Variants in RTCB observed in about 807,000 individuals in gnomAD.
RTCB encodes RNA 2',3'-cyclic phosphate and 5'-OH ligase, also known as RNA-splicing ligase RTCB.
A neutral mutation model predicts 58.2 loss-of-function variants in RTCB; 32 were observed. The observed-to-expected ratio is 0.55, with a 90% CI of 0.41 to 0.74. The LOEUF (loss-of-function observed/expected upper bound fraction) is 0.74. Among genes scored for constraint, RTCB ranks in the 30% least tolerant of loss-of-function variants. The pLI is 0.00. For missense variants in RTCB, 523 were observed against 639.0 expected (o/e 0.82, Z 1.96); for synonymous variants, 247 against 218.6 (o/e 1.13, Z -1.15).
At chr22:32,408,639 A>T in intron 2 of RTCB, 116 bp downstream of exon 2, 1 of 764,836 alleles carries the variant, frequency 1.3e-6, no homozygotes. Context: ...TCTTACTTTT[A>T]AGTTGTAATC....
rs1185566360 is a variant in RTCB, at chr22:32,388,053, T to C, written c.1457A>G (p.His486Arg). Residue 486 changes from histidine to arginine, a missense_variant, in exon 12 of 12, where the codon CAT becomes CGT. Coordinates refer to ENST00000216038, the MANE Select transcript of RTCB (RefSeq NM_014306.5). ...KNVTDVVNTCHDAGISKKAIK... is the reference protein window; with the variant it reads ...KNVTDVVNTCRDAGISKKAIK... ...GGCTTTCTTGCTGATTCCAGCATCA[T>C]GGCAGGTATTTACCACATCTGTCAC... 2 of 1,614,110 alleles carry C rather than the reference T, an allele frequency of 1.2e-6. No individual in the cohort carries two copies. The highest frequency in any genetic ancestry group is 1.7e-5 in the Admixed American group (1 of 60,028).
At chr22:32,394,197 C>T (rs183987937) in intron 9 of RTCB, among the ~76,000 whole-genome samples, 195 bp from the exon 10 acceptor site, 9 of 151,564 alleles carry the variant, frequency 5.9e-5, no homozygotes, top group Admixed American at 3.9e-4. Flanking sequence ...CTGCAAGCTC[C>T]GCCTCCTGGG....
rs1434539008 is a variant in RTCB, at chr22:32,392,463, A to G, written c.1291-104T>C. ...AGGAGCTTAAAAAAACATCTTTTTT[A>G]CTTTATCGAATTGGTAACAGGCCTT... On this transcript the variant is annotated intron_variant, in intron 10 of 11. Coordinates refer to ENST00000216038, the MANE Select transcript of RTCB (RefSeq NM_014306.5). 3 of 1,443,810 alleles carry G rather than the reference A, an allele frequency of 2.1e-6. No individual in the cohort carries two copies. The Admixed American group carries it at 5.4e-5, about 26-fold the overall frequency. The allele number at this position is 1,443,810 out of a possible 1,614,324, so 89.4% of individuals were successfully genotyped here. A position where few individuals can be genotyped will look rare whatever the true frequency, so the allele number is the denominator to read the frequency against.
intron 4 of RTCB, 138 bp downstream of exon 4, chr22:32,406,524 T>C (rs1268581044): frequency 1.9e-6 from 1 of 533,848 alleles, no homozygotes; most frequent in African/African-American, 1.9e-5. Flanking sequence ...GGTTTCACCA[T>C]GTTGGCCAAG....
At chr22:32,405,925 A>G (rs1933411063) in intron 4 of RTCB, among the ~76,000 whole-genome samples, 1 of 152,274 alleles carries the variant, frequency 6.6e-6, no homozygotes, top group African/African-American at 2.4e-5. Flanking sequence ...TGTATATTCA[A>G]TGTTATCATT....
At chr22:32,392,749 G>A (rs1054525246) in intron 10 of RTCB, among the ~76,000 whole-genome samples, 1 of 152,098 alleles carries the variant, frequency 6.6e-6, no homozygotes, top group African/African-American at 2.4e-5. Context: ...GAGGCAGCTA[G>A]AAATGAGAAA....
At chr22:32,405,614 A>T (rs1933406605) in intron 4 of RTCB, among the ~76,000 whole-genome samples, 2 of 152,118 alleles carry the variant, frequency 1.3e-5, no homozygotes, top group South Asian at 4.1e-4. Flanking sequence ...GGGCTCACAT[A>T]TCTGGAACTT....
intron 11 of RTCB, among the ~76,000 whole-genome samples, chr22:32,388,360 T>C (rs899640126): frequency 5.3e-5 from 8 of 151,936 alleles, no homozygotes; most frequent in Non-Finnish European, 8.8e-5. Context: ...AACTAGGAAA[T>C]GTAGTAAATG....
intron 7 of RTCB, among the ~76,000 whole-genome samples, chr22:32,397,208 T>C (rs1219313990): frequency 6.6e-6 from 1 of 152,236 alleles, no homozygotes; most frequent in Non-Finnish European, 1.5e-5. Context: ...CATTCAGTCC[T>C]GTAGTAACCG....
chr22:32,392,676 T>C (rs1210698077), intron 10 of RTCB, among the ~76,000 whole-genome samples: 1 of 152,180 alleles, frequency 6.6e-6, no homozygotes, highest in African/African-American at 2.4e-5. Flanking sequence ...AAATTGTCAA[T>C]GTCCCCATGG....
At chr22:32,402,199 T>C (rs1222348799) in intron 4 of RTCB, among the ~76,000 whole-genome samples, 1 of 152,202 alleles carries the variant, frequency 6.6e-6, no homozygotes, top group Non-Finnish European at 1.5e-5. Context: ...TTTCACAGGT[T>C]CATGAATTTT....
At chr22:32,392,506 CT>C in intron 10 of RTCB, 147 bp from the exon 11 acceptor site, 2 of 1,050,786 alleles carry the variant, frequency 1.9e-6, no homozygotes, top group Non-Finnish European at 1.4e-6. Context: ...TCATCATATC[CT>C]TTTAGATTTT....
At chr22:32,400,548 A>G (rs1037707324) in intron 5 of RTCB, among the ~76,000 whole-genome samples, 32 of 152,212 alleles carry the variant, frequency 2.1e-4, no homozygotes, top group Admixed American at 1.9e-3. Context: ...CCATTTCAGT[A>G]TTAGTAGACA....
Position 32,400,709 on chromosome 22 carries a change from TA to T in RTCB, c.498-951del, listed in dbSNP as rs572797025. 3.1e-3 allele frequency among the ~76,000 whole-genome samples: 465 copies of T among 152,320 alleles called. 3 individuals carry two copies. The highest frequency in any genetic ancestry group is 0.016 in the South Asian group (77 of 4,828). ...ATTTTACTTAGGTATTTTTTTTGGT[TA>T]GGGGGAGTTAAATAACATTACAAGT... On this transcript the variant is annotated intron_variant, in intron 5 of 11. Transcript: ENST00000216038.
chr22:32,391,557 A>G (rs892154308), intron 11 of RTCB, among the ~76,000 whole-genome samples: 3 of 151,960 alleles, frequency 2.0e-5, no homozygotes, highest in African/African-American at 7.2e-5. Flanking sequence ...CACCATGCCC[A>G]GCTAATTTTT....
intron 7 of RTCB, 33 bp from the exon 8 acceptor site, chr22:32,396,282 A>G (rs769058349): frequency 1.2e-6 from 2 of 1,606,866 alleles, no homozygotes; most frequent in South Asian, 1.1e-5. Context: ...CAAACCAGTT[A>G]GCTTTCCCTT....
At chr22:32,408,102 T>G (rs1233542484) in intron 3 of RTCB, 73 bp downstream of exon 3, 1 of 1,344,780 alleles carries the variant, frequency 7.4e-7, no homozygotes, top group Non-Finnish European at 1.1e-6. Flanking sequence ...GACACCACTA[T>G]CAGGCATGGC....
rs41302587 is a variant in RTCB at position 32,406,573 on chromosome 22, G to A, written c.340+89C>T. 1,931 of 793,340 alleles carry A rather than the reference G, an allele frequency of 2.4e-3. 5 individuals carry two copies. Among genetic ancestry groups the A allele is most frequent in the Non-Finnish European group, 3.4e-3 (1,552 of 462,188 alleles). The allele number at this position is 793,340 out of a possible 1,614,324, so 49.1% of individuals were successfully genotyped here. ...CTTGACCTCATGATCCACCCGCCTC[G>A]GCCTCCCAAAGTGCTGGGATTACAG... On this transcript the variant is annotated intron_variant, in intron 4 of 11. Transcript: ENST00000216038.
chr22:32,406,822 T>C lies in RTCB; in HGVS notation c.241-61A>G, dbSNP rs1933433954. 2.7e-6 allele frequency: 3 copies of C among 1,131,890 alleles called. No individual in the cohort carries two copies. The South Asian group carries it at 3.7e-5, about 14-fold the overall frequency. The allele number at this position is 1,131,890 out of a possible 1,614,324, so 70.1% of individuals were successfully genotyped here. A position where few individuals can be genotyped will look rare whatever the true frequency, so the allele number is the denominator to read the frequency against. On this transcript the variant is annotated intron_variant, in intron 3 of 11. Transcript: ENST00000216038. ...TGACCTGCTACCCTGGATGCCCTGA[T>C]GGACCTGACACTGATTCTCAAACAG...
Sources: gnomAD v4.1 joint callset for allele counts (sites outside exome capture counted in the v4.1 genomes callset) on GRCh38, gnomAD v4.1.1 for gene constraint, MANE v1.5 for transcripts, NCBI Gene and HGNC (gene_info 2026-07-23, HGNC 2026-07-21) for gene names.